DNAAF1: variants seen among roughly 807,000 people sequenced by gnomAD.
The protein encoded by DNAAF1 is dynein assembly factor 1, axonemal.
DNAAF1 carries 65 observed loss-of-function variants against 71.1 expected under a neutral mutation model. That is an observed-to-expected ratio of 0.91 (90% CI 0.75 to 1.12). The LOEUF (loss-of-function observed/expected upper bound fraction) is 1.12. Ranked by LOEUF, DNAAF1 falls within the 50% of genes most tolerant of loss-of-function variation. The pLI is 0.00. For missense variants in DNAAF1, 1,178 were observed against 899.8 expected (o/e 1.31, Z -3.96); for synonymous variants, 414 against 354.6 (o/e 1.17, Z -1.88).
intron 10 of DNAAF1, chr16:84,175,158 C>T (rs2088586274): frequency 4.3e-6 from 1 of 231,786 alleles, no homozygotes; most frequent in South Asian, 6.0e-5. Flanking sequence ...ACCCAGCCCA[C>T]ATCCCCCATA....
chr16:84,149,633 G>T (rs2087087432), intron 2 of DNAAF1, among the ~76,000 whole-genome samples: 1 of 146,930 alleles, frequency 6.8e-6, no homozygotes, highest in African/African-American at 2.5e-5. Context: ...GAAGGTTGCA[G>T]TGAGCCGAGA....
chr16:84,167,297 C>G (rs774421609), intron 7 of DNAAF1, among the ~76,000 whole-genome samples: 1 of 152,268 alleles, frequency 6.6e-6, no homozygotes, highest in South Asian at 2.1e-4. Context: ...TCTGGCCACA[C>G]CCCGCTCCAG....
chr16:84,164,842 AC>A (rs151294340), intron 6 of DNAAF1, among the ~76,000 whole-genome samples: 1,853 of 152,342 alleles, frequency 0.012, 16 homozygotes, highest in Non-Finnish European at 0.019. Flanking sequence ...AATCCGCCAC[AC>A]CATTTTCCAA....
intron 4 of DNAAF1, among the ~76,000 whole-genome samples, chr16:84,155,098 C>G (rs953581880): frequency 6.6e-6 from 1 of 152,066 alleles, no homozygotes; most frequent in Non-Finnish European, 1.5e-5. Context: ...TTAGTAGAGA[C>G]GGGGTTTCAC....
chr16:84,145,718 C>T (rs2086867993), intron 1 of DNAAF1, among the ~76,000 whole-genome samples, 154 bp downstream of exon 1: 1 of 152,200 alleles, frequency 6.6e-6, no homozygotes, highest in Non-Finnish European at 1.5e-5. Context: ...GGGCTTCTCT[C>T]GCCATTTCGT....
intron 11 of DNAAF1, chr16:84,177,308 C>T: frequency 6.1e-6 from 2 of 328,628 alleles, no homozygotes; most frequent in East Asian, 1.5e-4. Flanking sequence ...GACAGTCTCG[C>T]ACTGTGGCCT....
At chr16:84,160,124 G>A (rs2087631143) in intron 6 of DNAAF1, among the ~76,000 whole-genome samples, 1 of 152,116 alleles carries the variant, frequency 6.6e-6, no homozygotes, top group African/African-American at 2.4e-5. Context: ...TTTTCTAGTT[G>A]TTTTCTAGAG....
intron 7 of DNAAF1, among the ~76,000 whole-genome samples, chr16:84,168,666 A>G (rs2088151050): frequency 1.3e-5 from 2 of 152,130 alleles, no homozygotes; most frequent in South Asian, 2.1e-4. Context: ...TTTCCATACA[A>G]TAGACATTTT....
At chr16:84,175,445 C>A in intron 10 of DNAAF1, 1 of 192,358 alleles carries the variant, frequency 5.2e-6, no homozygotes, top group Non-Finnish European at 1.0e-5. Context: ...CCCTACTCCA[C>A]CCAGAGGCCA....
intron 6 of DNAAF1, among the ~76,000 whole-genome samples, chr16:84,163,298 G>GC (rs1180594892): frequency 6.6e-6 from 1 of 151,698 alleles, no homozygotes; most frequent in African/African-American, 2.4e-5. Flanking sequence ...ATCCCCATCA[G>GC]CAGTGTAGGA....
intron 8 of DNAAF1, among the ~76,000 whole-genome samples, chr16:84,171,722 C>T (rs1460096112): frequency 6.6e-6 from 1 of 152,132 alleles, no homozygotes; most frequent in Non-Finnish European, 1.5e-5. Flanking sequence ...GCGGCTGCTG[C>T]TTTGACTCCT....
chr16:84,158,018 T>C (rs973081801), intron 5 of DNAAF1, among the ~76,000 whole-genome samples: 2 of 152,044 alleles, frequency 1.3e-5, no homozygotes, highest in African/African-American at 4.8e-5. Flanking sequence ...CCTTCCTGGC[T>C]AACATGGTGA....
rs181410564 is a variant in DNAAF1, at chr16:84,157,859, G to A, written c.742-1816G>A. On this transcript the variant is annotated intron_variant, in intron 5 of 11. Transcript: ENST00000378553. ...TATATTATAATCCCCCCGTTTGTTC[G>A]TTTTTGTTTTGGCTGGGGTTGCCAT... Among the ~76,000 whole-genome samples the A allele has an allele frequency of 5.0e-4, 76 of 152,240 alleles. 1 individual carries two copies. Among genetic ancestry groups the A allele is most frequent in the Admixed American group, 2.5e-3 (38 of 15,288 alleles).
intron 1 of DNAAF1, among the ~76,000 whole-genome samples, chr16:84,146,019 C>T (rs2086885379): frequency 6.6e-6 from 1 of 151,944 alleles, no homozygotes; most frequent in South Asian, 2.1e-4. Context: ...ATCGCTTGAA[C>T]CCGGGAGGCG....
rs1377234470 is a variant in DNAAF1, at chr16:84,145,611, G to A, written c.124+47G>A. 4 of 1,536,478 alleles carry A rather than the reference G, an allele frequency of 2.6e-6. No homozygotes were observed. The Admixed American group carries it at 5.9e-5, about 23-fold the overall frequency. ...GGGCGGTGGGCGAGGGGCAGACACGGCTAGGCGCTCCAGCCCCCTTCCCAC... is the reference window on the plus strand; with the variant it reads ...GGGCGGTGGGCGAGGGGCAGACACGACTAGGCGCTCCAGCCCCCTTCCCAC... On this transcript the variant is annotated intron_variant, in intron 1 of 11. Coordinates refer to ENST00000378553, the MANE Select transcript of DNAAF1 (RefSeq NM_178452.6).
chr16:84,149,116 A>G lies in DNAAF1; in HGVS notation c.234A>G (p.Arg78=). The G allele has an allele frequency of 6.2e-7, 1 of 1,614,110 alleles. No homozygotes were observed. The highest frequency in any genetic ancestry group is 8.5e-7 in the Non-Finnish European group (1 of 1,180,022). Reference sequence around the variant, plus strand: ...CAGGTGGTCACTTCGCACACCCAAGAGAAGACAGGGAAGATCGGGGCCCCA... The same window carrying G: ...CAGGTGGTCACTTCGCACACCCAAGGGAAGACAGGGAAGATCGGGGCCCCA... ...NGSGGHFAHP[R]EDREDRGPRM... The change falls in exon 2 of 12, where the codon AGA becomes AGG. Residue 78 remains arginine (R), a synonymous_variant. Transcript: ENST00000378553.
chr16:84,159,340 C>A, intron 5 of DNAAF1: 1 of 860,404 alleles, frequency 1.2e-6, no homozygotes, highest in Non-Finnish European at 1.5e-6. Context: ...AGATTCATTT[C>A]AGTAAAAGAG....
rs1326703986 is a variant in DNAAF1, at chr16:84,145,506, C to T, written c.66C>T (p.Pro22=). 11 of 1,562,994 alleles carry T rather than the reference C, an allele frequency of 7.0e-6. No individual in the cohort carries two copies. The East Asian group carries it at 9.4e-5, about 13-fold the overall frequency. ...CAGAGCTGGATTGCGCGCAGGAGCC[C>T]GGCGTGGAGGAGTCTGCGGGTGACC... The part of the protein sequence containing the change: ...GAAELDCAQE[P]GVEESAGDHG... The change falls in exon 1 of 12, where the codon CCC becomes CCT. Residue 22 remains proline, a synonymous_variant. Transcript: ENST00000378553.
Position 84,158,512 on chromosome 16 carries a change from G to T in DNAAF1, c.742-1163G>T, listed in dbSNP as rs182686825. On this transcript the variant is annotated intron_variant, in intron 5 of 11. Coordinates refer to ENST00000378553, the MANE Select transcript of DNAAF1 (RefSeq NM_178452.6). ...ACAGTCACATTCTGAGGTGCTGAGG[G>T]TTTGGACTTTAACATGTGAATTTTG... 1.1e-3 allele frequency among the ~76,000 whole-genome samples: 161 copies of T among 152,298 alleles called. 2 individuals are homozygous for T. Among genetic ancestry groups the T allele is most frequent in the African/African-American group, 3.6e-3 (150 of 41,562 alleles).
Sources: gnomAD v4.1 joint callset for allele counts (sites outside exome capture counted in the v4.1 genomes callset) on GRCh38, gnomAD v4.1.1 for gene constraint, MANE v1.5 for transcripts, NCBI Gene and HGNC (gene_info 2026-07-23, HGNC 2026-07-21) for gene names.